The following WWOX variants were observed in gnomAD, a reference collection of about 807,000 sequenced individuals.
The protein encoded by WWOX is WW domain-containing oxidoreductase.
In WWOX, 69 loss-of-function variants were observed where a neutral mutation model predicts 46.2. The ratio of observed to expected loss-of-function variants is 1.49; its 90% CI spans 1.23 to 1.82. The LOEUF (loss-of-function observed/expected upper bound fraction) is 1.82, where lower values mean the gene tolerates loss of function less well. Ranked by LOEUF, WWOX falls within the 40% of genes most tolerant of loss-of-function variation. The pLI is 0.00. For missense variants in WWOX, 919 were observed against 542.6 expected (o/e 1.69, Z -6.89); for synonymous variants, 359 against 202.6 (o/e 1.77, Z -6.56).
At chr16:78,112,455 G>A (rs1020692946) in intron 3 of WWOX, among the ~76,000 whole-genome samples, 1 of 152,042 alleles carries the variant, frequency 6.6e-6, no homozygotes, top group Non-Finnish European at 1.5e-5. Context: ...TGAACTTTTG[G>A]TGCAAAACTG....
intron 8 of WWOX, among the ~76,000 whole-genome samples, chr16:78,904,657 C>G (rs1428319673): frequency 6.6e-6 from 1 of 152,162 alleles, no homozygotes; most frequent in African/African-American, 2.4e-5. Context: ...ATCATCCACA[C>G]TGGCACCTTT....
At chr16:78,767,720 C>G (rs185223455) in intron 8 of WWOX, among the ~76,000 whole-genome samples, 130 of 152,224 alleles carry the variant, frequency 8.5e-4, no homozygotes, top group African/African-American at 3.0e-3. Flanking sequence ...TCCACATCTA[C>G]CCAATACTTA....
chr16:78,441,961 T>TGA (rs753768900), intron 8 of WWOX, among the ~76,000 whole-genome samples: 2 of 109,420 alleles, frequency 1.8e-5, no homozygotes, highest in East Asian at 3.2e-4. Flanking sequence ...TGCGCATGAG[T>TGA]GTGTGTGTGT....
At chr16:79,175,355 G>A (rs1339063053) in intron 8 of WWOX, among the ~76,000 whole-genome samples, 2 of 152,192 alleles carry the variant, frequency 1.3e-5, no homozygotes, top group Non-Finnish European at 2.9e-5. Flanking sequence ...AGGTATCTAA[G>A]ACTTCTGGGT....
In WWOX at chr16:78,665,630, G is replaced by A. The variant is rs534992476; in HGVS notation, c.1056+232878G>A. On this transcript the variant is annotated intron_variant, in intron 8 of 8. Coordinates refer to ENST00000566780, the MANE Select transcript of WWOX (RefSeq NM_016373.4). ...TGCCCTGTCAGGGTGGGTCCTAGTG[G>A]TAGGACAAAAGCAAGAATCCTGAGC... 3.0e-3 allele frequency among the ~76,000 whole-genome samples: 461 copies of A among 152,166 alleles called. 3 individuals are homozygous for A. The highest frequency in any genetic ancestry group is 0.01 in the African/African-American group (431 of 41,520).
intron 8 of WWOX, among the ~76,000 whole-genome samples, chr16:78,472,252 A>G (rs547975662): frequency 6.6e-6 from 1 of 152,130 alleles, no homozygotes. Flanking sequence ...TGTCTTAATG[A>G]TGGAATGACT....
intron 6 of WWOX, among the ~76,000 whole-genome samples, chr16:78,387,418 A>G (rs983175096): frequency 6.6e-6 from 1 of 152,136 alleles, no homozygotes; most frequent in Non-Finnish European, 1.5e-5. Flanking sequence ...ATGTGGTTCC[A>G]AAAAACATGG....
At chr16:78,613,593 A>G (rs2045950808) in intron 8 of WWOX, among the ~76,000 whole-genome samples, 2 of 152,156 alleles carry the variant, frequency 1.3e-5, no homozygotes, top group African/African-American at 4.8e-5. Flanking sequence ...GGTTCAACAC[A>G]CCTGAATTCC....
intron 8 of WWOX, among the ~76,000 whole-genome samples, chr16:78,833,343 T>C (rs943305343): frequency 3.9e-5 from 6 of 151,900 alleles, no homozygotes; most frequent in African/African-American, 1.5e-4. Flanking sequence ...TTTATACCAG[T>C]CCTCAACTTG....
At chr16:79,084,849 C>T (rs1434287710) in intron 8 of WWOX, among the ~76,000 whole-genome samples, 1 of 152,206 alleles carries the variant, frequency 6.6e-6, no homozygotes, top group Admixed American at 6.5e-5. Flanking sequence ...ACTGATTCAA[C>T]CTTTCATTTG....
intron 4 of WWOX, among the ~76,000 whole-genome samples, chr16:78,155,625 C>T (rs72804940): frequency 0.059 from 9,015 of 152,204 alleles, 302 homozygotes; most frequent in Non-Finnish European, 0.065. Context: ...CATATTCTTC[C>T]GAACACACTC....
chr16:78,756,076 G>C, intron 8 of WWOX, among the ~76,000 whole-genome samples: 1 of 152,084 alleles, frequency 6.6e-6, no homozygotes, highest in Non-Finnish European at 1.5e-5. Context: ...CCCATCTTCA[G>C]TCTTTTATTT....
intron 4 of WWOX, among the ~76,000 whole-genome samples, chr16:78,150,019 A>G (rs532964338): frequency 6.6e-6 from 1 of 152,310 alleles, no homozygotes. Context: ...CAGAGTCAGC[A>G]CAGACCCCAT....
intron 8 of WWOX, among the ~76,000 whole-genome samples, chr16:79,068,348 G>T (rs2048480316): frequency 6.6e-6 from 1 of 152,198 alleles, no homozygotes; most frequent in Admixed American, 6.5e-5. Flanking sequence ...TTATGTGTCT[G>T]TGTTTGCAGG....
chr16:78,793,050 A>T (rs1193238316), intron 8 of WWOX, among the ~76,000 whole-genome samples: 1 of 152,098 alleles, frequency 6.6e-6, no homozygotes, highest in African/African-American at 2.4e-5. Context: ...TCTTTCTTTC[A>T]TCTTATCTAT....
At chr16:78,353,628 A>C (rs538871332) in intron 5 of WWOX, among the ~76,000 whole-genome samples, 2 of 152,270 alleles carry the variant, frequency 1.3e-5, no homozygotes, top group Non-Finnish European at 2.9e-5. Context: ...AATTAGTATT[A>C]TCTTTGCCAT....
chr16:79,078,550 A>G (rs1345592183), intron 8 of WWOX, among the ~76,000 whole-genome samples: 2 of 152,212 alleles, frequency 1.3e-5, no homozygotes, highest in Non-Finnish European at 2.9e-5. Context: ...ACTGCATAGT[A>G]CCGTGTACAT....
intron 6 of WWOX, among the ~76,000 whole-genome samples, chr16:78,394,191 T>A (rs974401516): frequency 6.6e-6 from 1 of 152,216 alleles, no homozygotes; most frequent in Non-Finnish European, 1.5e-5. Context: ...TCTGCATTAC[T>A]CTTGGCTCAA....
intron 8 of WWOX, among the ~76,000 whole-genome samples, chr16:78,904,456 C>G (rs1489730072): frequency 6.6e-6 from 1 of 151,882 alleles, no homozygotes; most frequent in East Asian, 1.9e-4. Flanking sequence ...CCAGGATGGT[C>G]TTCTTCTCTT....
Sources: gnomAD v4.1 joint callset for allele counts (sites outside exome capture counted in the v4.1 genomes callset) on GRCh38, gnomAD v4.1.1 for gene constraint, MANE v1.5 for transcripts, NCBI Gene and HGNC (gene_info 2026-07-23, HGNC 2026-07-21) for gene names.